The following UQCRB variants were observed in gnomAD, a reference collection of about 807,000 sequenced individuals.
The protein encoded by UQCRB is ubiquinol-cytochrome c reductase binding protein.
Under a neutral mutation model 19.8 loss-of-function variants are expected in UQCRB, and 12 were observed. That is an observed-to-expected ratio of 0.61 (90% CI 0.39 to 0.98). UQCRB has a LOEUF of 0.98. Among genes scored for constraint, UQCRB ranks in the 50% least tolerant of loss-of-function variants. The pLI is 0.00. For synonymous variants in UQCRB, 39 were observed against 42.9 expected (o/e 0.91, Z 0.35); for missense variants, 142 against 131.8 (o/e 1.08, Z -0.38).
rs1231101700 is a variant in UQCRB, at chr8:96,229,635, GACT to G, written c.*1417_*1419del. 2.2e-6 allele frequency: 1 copy of G among 453,978 alleles called. No individual in the cohort carries two copies. Among genetic ancestry groups the G allele is most frequent in the Non-Finnish European group, 4.4e-6 (1 of 226,792 alleles). 28.1% of individuals were successfully genotyped at this position (453,978 alleles called of 1,614,324 possible). On this transcript the variant is annotated 3_prime_UTR_variant, in exon 4 of 4. Transcript: ENST00000287022. ...TTCTTGGCCTCCTTCTGCAAAGTAGGACTACATTAAAACCTTGTCACAATGTGA... is the reference window on the plus strand; with the variant it reads ...TTCTTGGCCTCCTTCTGCAAAGTAGGACATTAAAACCTTGTCACAATGTGA...
At chr8:96,231,346 T>C in intron 3 of UQCRB, 2 of 1,546,446 alleles carry the variant, frequency 1.3e-6, no homozygotes, top group Non-Finnish European at 1.7e-6. Context: ...GGGAAGTCTT[T>C]TCGGGAAGAA....
In UQCRB at chr8:96,226,541, A is replaced by G. The variant is rs13261747; in HGVS notation, c.*4514T>C. 0.46 allele frequency: 99,088 copies of G among 217,480 alleles called. 23,505 individuals are homozygous for G. Among genetic ancestry groups the G allele is most frequent in the African/African-American group, 0.49 (20,724 of 41,920 alleles). 13.5% of individuals were successfully genotyped at this position (217,480 alleles called of 1,614,324 possible). A position where few individuals can be genotyped will look rare whatever the true frequency, so the allele number is the denominator to read the frequency against. On this transcript the variant is annotated 3_prime_UTR_variant, in exon 4 of 4. Transcript: ENST00000287022. ...ACATTTTAAATGCATGCATAAGAGA[A>G]AAATTGTAAGCTGACTCCTTTGTAA...
chr8:96,227,181 G>A lies in UQCRB; in HGVS notation c.*3874C>T, dbSNP rs1809543280. On this transcript the variant is annotated 3_prime_UTR_variant, in exon 4 of 4. Transcript: ENST00000287022. ...GGAAATATGGTCATAACTGATTGAAGTAATAAAATCCTGAAACTAAATAAC... is the reference window on the plus strand; with the variant it reads ...GGAAATATGGTCATAACTGATTGAAATAATAAAATCCTGAAACTAAATAAC... 1 of 452,616 alleles carries A rather than the reference G, an allele frequency of 2.2e-6. No homozygotes were observed. The highest frequency in any genetic ancestry group is 2.4e-5 in the Admixed American group (1 of 42,398). The allele number at this position is 452,616 out of a possible 1,614,324, so 28.0% of individuals were successfully genotyped here.
At chr8:96,232,361 T>C (rs939434008) in intron 2 of UQCRB, 3 of 193,972 alleles carry the variant, frequency 1.5e-5, no homozygotes, top group East Asian at 1.4e-4. Context: ...CTTAAAATGA[T>C]AGTATACTAA....
Position 96,230,089 on chromosome 8 carries a change from ATTT to A in UQCRB, c.*963_*965del, listed in dbSNP as rs760642623. 2.2e-6 allele frequency: 1 copy of A among 448,092 alleles called. No homozygotes were observed. Among genetic ancestry groups the A allele is most frequent in the South Asian group, 1.6e-5 (1 of 63,478 alleles). The allele number at this position is 448,092 out of a possible 1,614,324, so 27.8% of individuals were successfully genotyped here. On this transcript the variant is annotated 3_prime_UTR_variant, in exon 4 of 4. Coordinates refer to ENST00000287022, the MANE Select transcript of UQCRB (RefSeq NM_006294.5). ...ATGATGACAACATTGAATAATCCTA[ATTT>A]TTTTTTTGAGACAGTCAATGTCGCT... is the stretch of plus-strand genomic sequence containing the variant.
Position 96,227,314 on chromosome 8 carries a change from A to C in UQCRB, c.*3741T>G, listed in dbSNP as rs1156332470. ...AACCTCTAAGGTGTTGTCATCCTGA[A>C]AAATGAAGGAGGGGAGGGAGTTGGT... On this transcript the variant is annotated 3_prime_UTR_variant, in exon 4 of 4. Coordinates refer to ENST00000287022, the MANE Select transcript of UQCRB (RefSeq NM_006294.5). 6.6e-6 allele frequency: 3 copies of C among 454,004 alleles called. No individual in the cohort carries two copies. The highest frequency in any genetic ancestry group is 6.0e-5 in the African/African-American group (3 of 50,006). 28.1% of individuals were successfully genotyped at this position (454,004 alleles called of 1,614,324 possible).
At position 96,228,136 on chromosome 8, in the gene UQCRB, G is replaced by A. The variant is rs1303201163; in HGVS notation, c.*2919C>T. The stretch of plus-strand genomic sequence containing the variant: ...AACAGTGAACATAAGCCAGCCATCT[G>A]TTTTTTTGCAAAGTATAGTAAAACA... On this transcript the variant is annotated 3_prime_UTR_variant, in exon 4 of 4. Coordinates refer to ENST00000287022, the MANE Select transcript of UQCRB (RefSeq NM_006294.5). 1 of 453,974 alleles carries A rather than the reference G, an allele frequency of 2.2e-6. No individual in the cohort carries two copies. Among genetic ancestry groups the A allele is most frequent in the Non-Finnish European group, 4.4e-6 (1 of 226,796 alleles). 28.1% of individuals were successfully genotyped at this position (453,974 alleles called of 1,614,324 possible).
chr8:96,231,461 G>A lies in UQCRB; in HGVS notation c.258+313C>T, dbSNP rs1586153737. The A allele has an allele frequency of 2.0e-6, 3 of 1,535,170 alleles. No homozygotes were observed. The East Asian group carries it at 7.3e-5, about 38-fold the overall frequency. ...TTGGGATCTGGAGGGACACTCAATG[G>A]GCTGATCTTTTCATCTAAGTAGGAA... is the stretch of plus-strand genomic sequence containing the variant. On this transcript the variant is annotated intron_variant, in intron 3 of 3. Transcript: ENST00000287022.
rs574563315 is a variant in UQCRB at position 96,228,164 on chromosome 8, C to CA, written c.*2890dup. 133 of 454,044 alleles carry CA rather than the reference C, an allele frequency of 2.9e-4. 1 individual carries two copies. In the Middle Eastern group the frequency reaches 3.5e-3, roughly 12 times the overall value. The allele number at this position is 454,044 out of a possible 1,614,324, so 28.1% of individuals were successfully genotyped here. ...TTTTTGCAAAGTATAGTAAAACAAA[C>CA]AAACAGAACATAGACCACTTCAGAG... On this transcript the variant is annotated 3_prime_UTR_variant, in exon 4 of 4. Transcript: ENST00000287022.
chr8:96,235,480 G>A lies in UQCRB; in HGVS notation c.19+32C>T, dbSNP rs780549438. The A allele has an allele frequency of 6.8e-6, 11 of 1,614,044 alleles. No individual in the cohort carries two copies. The South Asian group carries it at 1.1e-4, about 16-fold the overall frequency. On this transcript the variant is annotated intron_variant, in intron 1 of 3. Coordinates refer to ENST00000287022, the MANE Select transcript of UQCRB (RefSeq NM_006294.5). ...GCAAAAATAAACGGTGAAGCGCGAC[G>A]ATGCCGGCCAAGAAGACCCCCAGTT...
At chr8:96,234,441 G>A in intron 1 of UQCRB, 1 of 1,236,298 alleles carries the variant, frequency 8.1e-7, no homozygotes, top group Non-Finnish European at 1.1e-6. Context: ...TCCCACCCAA[G>A]GTCAGAGTTA....
rs1338102655 is a variant in UQCRB at position 96,223,194 on chromosome 8, C to T, written c.*7861G>A. Among the ~76,000 whole-genome samples, 1 of 150,724 alleles carries T rather than the reference C, an allele frequency of 6.6e-6. No individual in the cohort carries two copies. Among genetic ancestry groups the T allele is most frequent in the Non-Finnish European group, 1.5e-5 (1 of 67,542 alleles). On this transcript the variant is annotated 3_prime_UTR_variant, in exon 4 of 4. Transcript: ENST00000287022. The stretch of plus-strand genomic sequence containing the variant: ...TTTAGGTGCTCACCAGACACACATA[C>T]ACAAAGTACTATCGTGGTAATGGAT...
intron 3 of UQCRB, chr8:96,231,548 G>T (rs1225950909): frequency 6.2e-6 from 9 of 1,443,658 alleles, no homozygotes; most frequent in Non-Finnish European, 7.5e-6. Context: ...TTTAGTCCTG[G>T]CTCTCTATAT....
Position 96,226,895 on chromosome 8 carries a change from T to C in UQCRB, c.*4160A>G. 4.4e-6 allele frequency: 2 copies of C among 453,908 alleles called. No homozygotes were observed. Among genetic ancestry groups the C allele is most frequent in the Non-Finnish European group, 8.8e-6 (2 of 226,722 alleles). The allele number at this position is 453,908 out of a possible 1,614,324, so 28.1% of individuals were successfully genotyped here. ...TCTATGCTAAAAATTAACCACCGTATAATGATTCAGTTCTTCTTTCTTGCT... is the reference window on the plus strand; with the variant it reads ...TCTATGCTAAAAATTAACCACCGTACAATGATTCAGTTCTTCTTTCTTGCT... On this transcript the variant is annotated 3_prime_UTR_variant, in exon 4 of 4. Transcript: ENST00000287022.
rs1281851434 is a variant in UQCRB at position 96,230,736 on chromosome 8, TA to T, written c.*318del. Reference sequence around the variant, plus strand: ...CCCTTCTTTTATTCAGTAGCTTCCATAAGGATGTAACTTACGGAAGTTATAT... The same window carrying T: ...CCCTTCTTTTATTCAGTAGCTTCCATAGGATGTAACTTACGGAAGTTATAT... On this transcript the variant is annotated 3_prime_UTR_variant, in exon 4 of 4. Coordinates refer to ENST00000287022, the MANE Select transcript of UQCRB (RefSeq NM_006294.5). The T allele has an allele frequency of 3.9e-6, 2 of 512,944 alleles. No individual in the cohort carries two copies. Among genetic ancestry groups the T allele is most frequent in the Non-Finnish European group, 7.5e-6 (2 of 265,324 alleles). The allele number at this position is 512,944 out of a possible 1,614,324, so 31.8% of individuals were successfully genotyped here. A position where few individuals can be genotyped will look rare whatever the true frequency, so the allele number is the denominator to read the frequency against.
Position 96,230,103 on chromosome 8 carries a change from A to G in UQCRB, c.*952T>C. 2.2e-6 allele frequency: 1 copy of G among 453,590 alleles called. No homozygotes were observed. The highest frequency in any genetic ancestry group is 1.6e-5 in the South Asian group (1 of 64,454). 28.1% of individuals were successfully genotyped at this position (453,590 alleles called of 1,614,324 possible). A position where few individuals can be genotyped will look rare whatever the true frequency, so the allele number is the denominator to read the frequency against. On this transcript the variant is annotated 3_prime_UTR_variant, in exon 4 of 4. Coordinates refer to ENST00000287022, the MANE Select transcript of UQCRB (RefSeq NM_006294.5). Reference sequence around the variant, plus strand: ...GAATAATCCTAATTTTTTTTTTGAGACAGTCAATGTCGCTCAGGCTGAAGT... The same window carrying G: ...GAATAATCCTAATTTTTTTTTTGAGGCAGTCAATGTCGCTCAGGCTGAAGT...
At position 96,225,508 on chromosome 8, in the gene UQCRB, A is replaced by G. The variant is rs149802366; in HGVS notation, c.*5547T>C. Among the ~76,000 whole-genome samples the G allele has an allele frequency of 4.9e-4, 74 of 152,240 alleles. No individual in the cohort carries two copies. Among genetic ancestry groups the G allele is most frequent in the African/African-American group, 1.7e-3 (70 of 41,552 alleles). ...TCACAGGATGAAGTCCAGGCATCTCAATATGGCGTACACCTTTCAGGTTGC... is the reference window on the plus strand; with the variant it reads ...TCACAGGATGAAGTCCAGGCATCTCGATATGGCGTACACCTTTCAGGTTGC... On this transcript the variant is annotated 3_prime_UTR_variant, in exon 4 of 4. Transcript: ENST00000287022.
In UQCRB at chr8:96,228,868, T is replaced by C; in HGVS notation, c.*2187A>G. 2.2e-6 allele frequency: 1 copy of C among 454,094 alleles called. No homozygotes were observed. Among genetic ancestry groups the C allele is most frequent in the Non-Finnish European group, 4.4e-6 (1 of 226,788 alleles). 28.1% of individuals were successfully genotyped at this position (454,094 alleles called of 1,614,324 possible). A position where few individuals can be genotyped will look rare whatever the true frequency, so the allele number is the denominator to read the frequency against. On this transcript the variant is annotated 3_prime_UTR_variant, in exon 4 of 4. Coordinates refer to ENST00000287022, the MANE Select transcript of UQCRB (RefSeq NM_006294.5). ...GACCAGACTACAGGACAATGTAGAT[T>C]TGGTCTACAGGACAATGCAGAGTGC... is the stretch of plus-strand genomic sequence containing the variant.
At position 96,230,060 on chromosome 8, in the gene UQCRB, G is replaced by A. The variant is rs943823825; in HGVS notation, c.*995C>T. ...AGAAAGCATTTCAGAATTTAGGAGTGGAAATGATGACAACATTGAATAATC... is the reference window on the plus strand; with the variant it reads ...AGAAAGCATTTCAGAATTTAGGAGTAGAAATGATGACAACATTGAATAATC... On this transcript the variant is annotated 3_prime_UTR_variant, in exon 4 of 4. Transcript: ENST00000287022. 78 of 453,906 alleles carry A rather than the reference G, an allele frequency of 1.7e-4. No homozygotes were observed. The highest frequency in any genetic ancestry group is 1.3e-3 in the African/African-American group (63 of 49,964). The allele number at this position is 453,906 out of a possible 1,614,324, so 28.1% of individuals were successfully genotyped here. A position where few individuals can be genotyped will look rare whatever the true frequency, so the allele number is the denominator to read the frequency against.
Sources: allele counts gnomAD v4.1 joint callset (sites outside exome capture counted in the v4.1 genomes callset), GRCh38; gene constraint gnomAD v4.1.1; transcripts MANE v1.5; gene names NCBI Gene and HGNC (gene_info 2026-07-23, HGNC 2026-07-21).